Variants in ZNF324B observed in about 807,000 individuals in gnomAD.
ZNF324B encodes zinc finger protein 324B.
In ZNF324B, 7 loss-of-function variants were observed where a neutral mutation model predicts 10.6. That is an observed-to-expected ratio of 0.66 (90% CI 0.38 to 1.24). The LOEUF (loss-of-function observed/expected upper bound fraction) is 1.24. Among genes scored for constraint, ZNF324B ranks in the 50% most tolerant of loss-of-function variants. The pLI is 0.02. For missense variants in ZNF324B, 640 were observed against 764.7 expected (o/e 0.84, Z 1.92); for synonymous variants, 316 against 321.0 (o/e 0.98, Z 0.17).
At chr19:58,439,649 G>A in the ZNF324B span, 8 of 1,219,580 alleles carry the variant, frequency 6.6e-6, no homozygotes, top group African/African-American at 3.2e-5. Context: ...CACGTGTGAG[G>A]ACAGGACACG....
intron 1 of ZNF324B, chr19:58,453,388 T>C (rs764678522): frequency 4.3e-6 from 2 of 465,132 alleles, no homozygotes; most frequent in African/African-American, 3.9e-5. Context: ...TGAATGGTCA[T>C]GCTGAGTCAC....
the ZNF324B span, among the ~76,000 whole-genome samples, chr19:58,424,515 T>C: frequency 6.6e-6 from 1 of 152,156 alleles, no homozygotes; most frequent in African/African-American, 2.4e-5. Context: ...GAAATGCAAA[T>C]TTAAACTATG....
At chr19:58,438,764 C>T in the ZNF324B span, among the ~76,000 whole-genome samples, 5 of 149,640 alleles carry the variant, frequency 3.3e-5, no homozygotes, top group South Asian at 6.4e-4. Context: ...TGAGCCACCA[C>T]GCCCGGCAAT....
Position 58,456,249 on chromosome 19 carries a change from C to T in ZNF324B, c.1305C>T (p.Ser435=). ...FACAQCGRSF[S]RSSNLTQHQL... ...GCGCCCAGTGCGGCCGCTCCTTTAG[C>T]CGCAGCTCCAACCTCACCCAGCACC... The change falls in exon 4 of 4, where the codon AGC becomes AGT. Residue 435 remains serine, a synonymous_variant. Coordinates refer to ENST00000336614, the MANE Select transcript of ZNF324B (RefSeq NM_207395.3). This position sits in a 1 kb window ranked among gnomAD's most constrained non-coding sequence, Gnocchi z 4.7. The T allele has an allele frequency of 5.6e-6, 9 of 1,613,120 alleles. No homozygotes were observed. Among genetic ancestry groups the T allele is most frequent in the Non-Finnish European group, 7.6e-6 (9 of 1,179,864 alleles).
chr19:58,434,624 C>G, the ZNF324B span: 1 of 1,614,220 alleles, frequency 6.2e-7, no homozygotes, highest in East Asian at 2.2e-5. Context: ...GATTTCTCCT[C>G]TAAGAAATTT....
At chr19:58,440,163 G>C in the ZNF324B span, 1 of 353,296 alleles carries the variant, frequency 2.8e-6, no homozygotes, top group Non-Finnish European at 5.2e-6. Flanking sequence ...TGGCGGCGCC[G>C]GAAGTCCCGC....
In ZNF324B at chr19:58,456,757, G is replaced by A. The variant is rs925478147; in HGVS notation, c.*178G>A. On this transcript the variant is annotated 3_prime_UTR_variant, in exon 4 of 4. Coordinates refer to ENST00000336614, the MANE Select transcript of ZNF324B (RefSeq NM_207395.3). This position sits in a 1 kb window ranked among gnomAD's most constrained non-coding sequence, Gnocchi z 4.7. ...GGTGGGGACAGGATTTGCCAGTTTA[G>A]TCATAGCTCACACCTCCATCCTCAA... is the stretch of plus-strand genomic sequence containing the variant. 1.4e-6 allele frequency: 1 copy of A among 731,272 alleles called. No homozygotes were observed. The highest frequency in any genetic ancestry group is 2.2e-6 in the Non-Finnish European group (1 of 456,486). 45.3% of individuals were successfully genotyped at this position (731,272 alleles called of 1,614,324 possible). A position where few individuals can be genotyped will look rare whatever the true frequency, so the allele number is the denominator to read the frequency against.
the ZNF324B span, among the ~76,000 whole-genome samples, chr19:58,424,558 C>A: frequency 3.9e-5 from 6 of 152,218 alleles, no homozygotes; most frequent in South Asian, 1.2e-3. Context: ...TTATTAGAAT[C>A]GTTAAAATGA....
the ZNF324B span, among the ~76,000 whole-genome samples, chr19:58,427,500 TTCTTTTTCTTTCTTTC>T: frequency 1.6e-5 from 2 of 122,400 alleles, no homozygotes; most frequent in African/African-American, 8.1e-5. Flanking sequence ...CTTCCTTTCT[TTCTTTTTCTTTCTTTC>T]TTTCTTTCTT....
At chr19:58,430,790 G>T in the ZNF324B span, 1 of 152,294 alleles carries the variant, frequency 6.6e-6, no homozygotes, top group African/African-American at 2.4e-5. Flanking sequence ...TGGTTGAAGA[G>T]GGCAAAAGTC....
the ZNF324B span, chr19:58,433,002 G>GGGTCA: frequency 4.7e-6 from 1 of 211,912 alleles, no homozygotes; most frequent in Non-Finnish European, 9.3e-6. Context: ...AACCAGCATC[G>GGGTCA]GTTCAGCTGA....
the ZNF324B span, among the ~76,000 whole-genome samples, chr19:58,420,450 C>G: frequency 6.6e-6 from 1 of 151,472 alleles, no homozygotes; most frequent in Non-Finnish European, 1.5e-5. Context: ...AGTAGGGGGT[C>G]AGGATTGGCG....
chr19:58,427,379 T>C, the ZNF324B span, among the ~76,000 whole-genome samples: 17 of 51,628 alleles, frequency 3.3e-4, no homozygotes, highest in East Asian at 1.6e-3. Context: ...TCTTTCTTTC[T>C]TTCTTTCTTT....
intron 1 of ZNF324B, 119 bp from the exon 2 acceptor site, chr19:58,453,577 C>A: frequency 7.2e-7 from 1 of 1,381,850 alleles, no homozygotes; most frequent in Non-Finnish European, 1.0e-6. Flanking sequence ...AAGATAATCT[C>A]GGGGTGGAAC....
rs766923195 is a variant in ZNF324B at position 58,454,857 on chromosome 19, G to A, written c.239-326G>A. The A allele has an allele frequency of 3.0e-5, 16 of 540,812 alleles. No individual in the cohort carries two copies. The Admixed American group carries it at 3.1e-4, about 10-fold the overall frequency. The allele number at this position is 540,812 out of a possible 1,614,324, so 33.5% of individuals were successfully genotyped here. On this transcript the variant is annotated intron_variant, in intron 3 of 3. Transcript: ENST00000336614. ...CAAGACGGGGCACCAGGGGAGAAGG[G>A]AGTGAGCTATGGAAAGGGAGGGGGT...
At chr19:58,438,432 C>T in the ZNF324B span, among the ~76,000 whole-genome samples, 5 of 150,388 alleles carry the variant, frequency 3.3e-5, no homozygotes, top group African/African-American at 1.2e-4. Flanking sequence ...CTGAAATCTA[C>T]TCCTCACACC....
upstream of ZNF324B, among the ~76,000 whole-genome samples, chr19:58,448,230 C>T (rs951938401): frequency 3.9e-5 from 6 of 152,150 alleles, no homozygotes; most frequent in African/African-American, 1.4e-4. Flanking sequence ...TTTGGAACTT[C>T]CTAGAGACTT....
the ZNF324B span, among the ~76,000 whole-genome samples, chr19:58,438,860 T>G: frequency 3.9e-5 from 6 of 151,908 alleles, no homozygotes; most frequent in African/African-American, 1.5e-4. Context: ...AACCTCCATC[T>G]CCCAGATTCA....
chr19:58,454,998 T>A (rs1323871647), intron 3 of ZNF324B, 185 bp from the exon 4 acceptor site: 1 of 817,036 alleles, frequency 1.2e-6, no homozygotes, highest in Non-Finnish European at 2.1e-6. Flanking sequence ...CTGCAGTCAG[T>A]GCCACACCTG....
Sources: allele counts gnomAD v4.1 joint callset (sites outside exome capture counted in the v4.1 genomes callset), GRCh38; gene constraint gnomAD v4.1.1; non-coding constraint Gnocchi (gnomAD v3.1); transcripts MANE v1.5; gene names NCBI Gene and HGNC (gene_info 2026-07-23, HGNC 2026-07-21).